The following SGCD variants were observed in gnomAD, a reference collection of about 807,000 sequenced individuals.
SGCD encodes sarcoglycan delta.
A neutral mutation model predicts 36.6 loss-of-function variants in SGCD; 18 were observed. That is an observed-to-expected ratio of 0.49 (90% CI 0.34 to 0.73). The LOEUF (loss-of-function observed/expected upper bound fraction) is 0.73, where lower values mean the gene tolerates loss of function less well. SGCD is among the 30% of genes least tolerant of loss of function. SGCD has a pLI of 0.01. For missense variants in SGCD, 387 were observed against 346.7 expected, an observed-to-expected ratio of 1.12 and a Z score of -0.92; for synonymous variants, 133 against 130.6, an observed-to-expected ratio of 1.02 and a Z score of -0.12.
At chr5:156,663,751 G>C (rs988543964) in intron 7 of SGCD, among the ~76,000 whole-genome samples, 1 of 147,124 alleles carries the variant, frequency 6.8e-6, no homozygotes, top group Non-Finnish European at 1.5e-5. Context: ...GAAGCAGAGA[G>C]ACTGCTTGTA....
chr5:156,506,345 ACACACACT>A (rs1404691597), intron 3 of SGCD, among the ~76,000 whole-genome samples: 1 of 151,670 alleles, frequency 6.6e-6, no homozygotes, highest in African/African-American at 2.4e-5. Context: ...TTTTTACTAA[ACACACACT>A]CACACACACA....
chr5:155,978,624 C>A (rs1237719072), intron 1 of SGCD, among the ~76,000 whole-genome samples: 7 of 152,222 alleles, frequency 4.6e-5, no homozygotes, highest in Non-Finnish European at 1.0e-4. Flanking sequence ...TTTCCCTTGT[C>A]TAGACTTAGT....
In SGCD at chr5:156,365,677, T is replaced by G. The variant is rs146998429; in HGVS notation, c.192+21000T>G. ...TTGTGTATCTGTGTATGCATAAATA[T>G]GCCCATAAATATGGGCATATATGTG... On this transcript the variant is annotated intron_variant, in intron 3 of 8. Coordinates refer to ENST00000337851, the MANE Select transcript of SGCD (RefSeq NM_000337.6). Among the ~76,000 whole-genome samples, 420 of 152,302 alleles carry G rather than the reference T, an allele frequency of 2.8e-3. 4 individuals carry two copies. The highest frequency in any genetic ancestry group is 9.6e-3 in the African/African-American group (400 of 41,570).
At chr5:156,150,626 G>A (rs1278690461) in intron 3 of SGCD, among the ~76,000 whole-genome samples, 1 of 151,642 alleles carries the variant, frequency 6.6e-6, no homozygotes, top group Non-Finnish European at 1.5e-5. Context: ...GATAAGCGTG[G>A]AATGTTGGAA....
At chr5:156,183,363 G>A (rs1172711687) in intron 3 of SGCD, among the ~76,000 whole-genome samples, 1 of 152,114 alleles carries the variant, frequency 6.6e-6, no homozygotes, top group Non-Finnish European at 1.5e-5. Context: ...GCCTAGTAAT[G>A]AACAATATTT....
At chr5:155,995,089 A>T (rs1758513730) in intron 1 of SGCD, among the ~76,000 whole-genome samples, 1 of 152,194 alleles carries the variant, frequency 6.6e-6, no homozygotes. Flanking sequence ...ATGGGTACAC[A>T]CATTGGCAGG....
chr5:156,027,200 A>G (rs1350332289), intron 1 of SGCD, among the ~76,000 whole-genome samples: 1 of 152,194 alleles, frequency 6.6e-6, no homozygotes, highest in East Asian at 1.9e-4. Context: ...ATCACAAACA[A>G]TCCTTATTCA....
intron 3 of SGCD, among the ~76,000 whole-genome samples, chr5:156,227,530 A>G (rs1764889006): frequency 6.6e-6 from 1 of 152,056 alleles, no homozygotes; most frequent in Non-Finnish European, 1.5e-5. Context: ...GAAATCAGGT[A>G]ATGTGATGCC....
At chr5:156,609,966 T>A (rs1037086848) in intron 6 of SGCD, among the ~76,000 whole-genome samples, 3 of 152,196 alleles carry the variant, frequency 2.0e-5, no homozygotes, top group African/African-American at 7.2e-5. Context: ...TTCGAGGTTT[T>A]TAACTTCTTT....
intron 3 of SGCD, among the ~76,000 whole-genome samples, chr5:156,164,620 G>C (rs1331146177): frequency 6.6e-6 from 1 of 152,174 alleles, no homozygotes; most frequent in African/African-American, 2.4e-5. Context: ...TTCTAGTATT[G>C]AATGTGAATG....
chr5:156,193,985 G>A (rs981997932), intron 3 of SGCD, among the ~76,000 whole-genome samples: 1 of 152,174 alleles, frequency 6.6e-6, no homozygotes, highest in Non-Finnish European at 1.5e-5. Context: ...TGCAGGTGAT[G>A]TCATACATAA....
At chr5:155,978,990 T>C (rs1455266598) in intron 1 of SGCD, among the ~76,000 whole-genome samples, 1 of 152,190 alleles carries the variant, frequency 6.6e-6, no homozygotes, top group Non-Finnish European at 1.5e-5. Flanking sequence ...CTGGTCCTGA[T>C]TTCATTAGCA....
chr5:156,088,932 T>G (rs950884684), intron 1 of SGCD, among the ~76,000 whole-genome samples: 1 of 152,148 alleles, frequency 6.6e-6, no homozygotes, highest in African/African-American at 2.4e-5. Context: ...GGTTGACTGA[T>G]GAATGAGAGG....
chr5:156,438,924 T>C (rs767980031), intron 3 of SGCD, among the ~76,000 whole-genome samples: 1 of 152,118 alleles, frequency 6.6e-6, no homozygotes, highest in Non-Finnish European at 1.5e-5. Flanking sequence ...CAAACAAACC[T>C]GAGAGAGTTA....
intron 3 of SGCD, among the ~76,000 whole-genome samples, chr5:156,305,779 C>T (rs948083561): frequency 6.6e-6 from 1 of 152,212 alleles, no homozygotes; most frequent in Non-Finnish European, 1.5e-5. Flanking sequence ...CAGGGCAGAG[C>T]TGCCCAAGAC....
intron 1 of SGCD, among the ~76,000 whole-genome samples, chr5:156,056,854 A>G (rs1304973784): frequency 1.4e-5 from 2 of 145,642 alleles, no homozygotes; most frequent in Non-Finnish European, 3.1e-5. Flanking sequence ...GCATTTTTTG[A>G]AAGTACTTTA....
the SGCD span, among the ~76,000 whole-genome samples, chr5:155,808,874 G>GATCA: frequency 3.3e-5 from 5 of 152,222 alleles, no homozygotes; most frequent in African/African-American, 4.8e-5. Context: ...TAGTTACAAA[G>GATCA]AGACAGATCT....
intron 1 of SGCD, among the ~76,000 whole-genome samples, chr5:155,992,708 T>C (rs1003277906): frequency 1.3e-5 from 2 of 152,218 alleles, no homozygotes; most frequent in Non-Finnish European, 2.9e-5. Context: ...ATGCTCATGG[T>C]TCCATTAATC....
At chr5:156,005,228 C>G (rs1165503719) in intron 1 of SGCD, among the ~76,000 whole-genome samples, 3 of 152,150 alleles carry the variant, frequency 2.0e-5, no homozygotes, top group African/African-American at 7.2e-5. Flanking sequence ...ACTCTCTTGG[C>G]AGCTACGTTC....
Sources: gnomAD v4.1 joint callset for allele counts (sites outside exome capture counted in the v4.1 genomes callset) on GRCh38, gnomAD v4.1.1 for gene constraint, MANE v1.5 for transcripts, NCBI Gene and HGNC (gene_info 2026-07-23, HGNC 2026-07-21) for gene names.